Variants in DISC1 observed in about 807,000 individuals in gnomAD.
DISC1 encodes DISC1 scaffold protein.
DISC1 carries 57 observed loss-of-function variants against 84.5 expected under a neutral mutation model. The ratio of observed to expected loss-of-function variants is 0.67; its 90% CI spans 0.55 to 0.84. The LOEUF (loss-of-function observed/expected upper bound fraction) is 0.84, where lower values mean the gene tolerates loss of function less well. DISC1 is among the 40% of genes least tolerant of loss of function. The pLI, the probability that DISC1 is intolerant of heterozygous loss-of-function variation, is 0.00. For synonymous variants in DISC1, 411 were observed against 415.2 expected (o/e 0.99, Z 0.12); for missense variants, 1,000 against 1,057.8 (o/e 0.95, Z 0.76).
At position 231,627,593 on chromosome 1, in the gene DISC1, T is replaced by C. The variant is rs2058368097; in HGVS notation, c.67+659T>C. Among the ~76,000 whole-genome samples, 5 of 152,344 alleles carry C rather than the reference T, an allele frequency of 3.3e-5. No individual in the cohort carries two copies. In the South Asian group the frequency reaches 8.3e-4, roughly 25 times the overall value. On this transcript the variant is annotated intron_variant, in intron 1 of 12. Transcript: ENST00000439617. The stretch of plus-strand genomic sequence containing the variant: ...GAGCGCGGGTCTCGCTGTCAACTCT[T>C]AGTGATGATTGTGGATGGTTGTTTT...
intron 9 of DISC1, among the ~76,000 whole-genome samples, chr1:231,830,219 G>A (rs12729026): frequency 0.24 from 36,925 of 152,072 alleles, 4,786 homozygotes; most frequent in Non-Finnish European, 0.26. Context: ...GGATTAGGGC[G>A]GCATGGGAAC....
rs184232981 is a variant in DISC1, at chr1:232,019,087, C to T, written c.2308-7348C>T. ...AGCACCTTTTATGAGCAAGGTAGGA[C>T]GACGGAGGCAGGGCCAGGACCTCAT... is the stretch of plus-strand genomic sequence containing the variant. On this transcript the variant is annotated intron_variant, in intron 11 of 12. Coordinates refer to ENST00000439617, the MANE Select transcript of DISC1 (RefSeq NM_018662.3). Among the ~76,000 whole-genome samples, 11 of 152,250 alleles carry T rather than the reference C, an allele frequency of 7.2e-5. No individual in the cohort carries two copies. In the East Asian group the frequency reaches 1.2e-3, roughly 16 times the overall value.
intron 3 of DISC1, among the ~76,000 whole-genome samples, chr1:231,733,784 T>TGGTAG (rs1163837319): frequency 2.1e-5 from 3 of 145,828 alleles, no homozygotes; most frequent in East Asian, 4.1e-4. Context: ...GTGGTGGTGA[T>TGGTAG]TGTGGGAGTG....
chr1:231,917,759 A>C (rs199971124), intron 9 of DISC1, among the ~76,000 whole-genome samples: 2 of 152,240 alleles, frequency 1.3e-5, no homozygotes, highest in African/African-American at 4.8e-5. Context: ...CTTAAAGGAC[A>C]TAATCTAACC....
chr1:231,688,214 G>A (rs374994602), intron 1 of DISC1, among the ~76,000 whole-genome samples: 1 of 152,118 alleles, frequency 6.6e-6, no homozygotes, highest in South Asian at 2.1e-4. Flanking sequence ...GCTTGTATGA[G>A]TATGTACAAA....
At chr1:231,676,945 G>A (rs963229643) in intron 1 of DISC1, among the ~76,000 whole-genome samples, 3 of 152,182 alleles carry the variant, frequency 2.0e-5, no homozygotes, top group African/African-American at 4.8e-5. Context: ...AGAAGCAGGG[G>A]AAAAACTGAT....
At chr1:231,725,017 G>A (rs898642615) in intron 3 of DISC1, among the ~76,000 whole-genome samples, 1 of 152,122 alleles carries the variant, frequency 6.6e-6, no homozygotes, top group African/African-American at 2.4e-5. Flanking sequence ...GTCACTGTCT[G>A]TTTCCAGGAT....
chr1:231,777,643 G>A (rs995895826), intron 6 of DISC1, among the ~76,000 whole-genome samples: 11 of 152,272 alleles, frequency 7.2e-5, no homozygotes, highest in African/African-American at 2.4e-4. Flanking sequence ...ATGGGTGCCC[G>A]GAGTGAGGCT....
rs1445680331 is a variant in DISC1 at position 231,744,955 on chromosome 1, T to C, written c.1118-4971T>C. Among the ~76,000 whole-genome samples the C allele has an allele frequency of 5.3e-5, 8 of 152,174 alleles. No individual in the cohort carries two copies. The East Asian group carries it at 1.2e-3, about 22-fold the overall frequency. ...TCAATAGTCCAGAGATCCTCGTTAA[T>C]AATGAGCCACTGATAAACACAACAT... On this transcript the variant is annotated intron_variant, in intron 3 of 12. Coordinates refer to ENST00000439617, the MANE Select transcript of DISC1 (RefSeq NM_018662.3).
Position 232,009,584 on chromosome 1 carries a change from T to C in DISC1, c.2307+535T>C. 4.3e-6 allele frequency: 4 copies of C among 921,970 alleles called. No homozygotes were observed. The allele number at this position is 921,970 out of a possible 1,614,324, so 57.1% of individuals were successfully genotyped here. ...ATCATAATGAATGTTTATAATGTTC[T>C]TCTTTCATAAACACAACTAAAGTTT... On this transcript the variant is annotated intron_variant, in intron 11 of 12. Transcript: ENST00000439617. This position sits in a 1 kb window ranked among gnomAD's most constrained non-coding sequence, Gnocchi z 4.6.
chr1:231,770,000 G>C (rs2076433251), intron 5 of DISC1, among the ~76,000 whole-genome samples: 1 of 152,118 alleles, frequency 6.6e-6, no homozygotes, highest in African/African-American at 2.4e-5. Context: ...GTGGGTTCAG[G>C]AGGTAGAAGT....
chr1:231,917,132 C>A (rs1274101704), intron 9 of DISC1, among the ~76,000 whole-genome samples: 1 of 152,068 alleles, frequency 6.6e-6, no homozygotes, highest in Non-Finnish European at 1.5e-5. Flanking sequence ...CCATTAAAAA[C>A]AAAATTTTAA....
chr1:231,720,787 G>A, intron 3 of DISC1: 1 of 1,196,998 alleles, frequency 8.4e-7, no homozygotes, highest in Non-Finnish European at 1.1e-6. Context: ...CTCCCAGATA[G>A]TCACAGGGCA....
intron 10 of DISC1, among the ~76,000 whole-genome samples, chr1:231,961,560 T>C (rs1660384141): frequency 6.6e-6 from 1 of 152,208 alleles, no homozygotes; most frequent in African/African-American, 2.4e-5. Context: ...GTCTCCAGTA[T>C]CTATTGTTCC....
intron 11 of DISC1, among the ~76,000 whole-genome samples, chr1:232,018,572 C>T (rs890798807): frequency 6.6e-6 from 1 of 152,228 alleles, no homozygotes; most frequent in African/African-American, 2.4e-5. Flanking sequence ...AATCATGCTC[C>T]CTGAGTTGGG....
chr1:231,859,128 GT>G (rs1379620084), intron 9 of DISC1, among the ~76,000 whole-genome samples: 1 of 152,114 alleles, frequency 6.6e-6, no homozygotes. Context: ...ACAATACCTA[GT>G]TTCCTGTATA....
chr1:231,737,436 T>C (rs2072655654), intron 3 of DISC1, among the ~76,000 whole-genome samples: 1 of 152,256 alleles, frequency 6.6e-6, no homozygotes, highest in South Asian at 2.1e-4. Flanking sequence ...GTCAGCATGC[T>C]GGTCTTAAAC....
chr1:231,973,694 T>C (rs901716660), intron 10 of DISC1, among the ~76,000 whole-genome samples: 1 of 152,238 alleles, frequency 6.6e-6, no homozygotes, highest in Admixed American at 6.5e-5. Context: ...AGGCCTATAA[T>C]AGGTTTCCCT....
chr1:231,823,340 AAACAATAAAATTAGCAAAC>A (rs1299885233), intron 9 of DISC1, among the ~76,000 whole-genome samples: 1 of 152,216 alleles, frequency 6.6e-6, no homozygotes, highest in African/African-American at 2.4e-5. Flanking sequence ...ACAAAGATAA[AAACAATAAAATTAGCAAAC>A]AACAATAAAA....
Sources: gnomAD v4.1 joint callset for allele counts (sites outside exome capture counted in the v4.1 genomes callset) on GRCh38, gnomAD v4.1.1 for gene constraint, Gnocchi (gnomAD v3.1) non-coding constraint, MANE v1.5 for transcripts, NCBI Gene and HGNC (gene_info 2026-07-23, HGNC 2026-07-21) for gene names.